The following NEURL3 variants were observed in gnomAD, a reference collection of about 807,000 sequenced individuals.
The protein encoded by NEURL3 is neuralized E3 ubiquitin protein ligase 3.
A neutral mutation model predicts 17.6 loss-of-function variants in NEURL3; 19 were observed. The observed-to-expected ratio is 1.08, with a 90% CI of 0.75 to 1.58. The LOEUF (loss-of-function observed/expected upper bound fraction) is 1.58. NEURL3 is among the 40% of genes most tolerant of loss of function. NEURL3 has a pLI of 0.00. For synonymous variants in NEURL3, 180 were observed against 161.4 expected (o/e 1.11, Z -0.87); for missense variants, 342 against 379.6 (o/e 0.90, Z 0.82).
upstream of NEURL3, chr2:96,505,491 C>A: frequency 1.6e-6 from 1 of 609,980 alleles, no homozygotes; most frequent in South Asian, 2.0e-5. Flanking sequence ...CGCAGACTGA[C>A]CTGCTGGAGC....
upstream of NEURL3, chr2:96,505,431 C>T (rs1305641940): frequency 6.6e-6 from 5 of 752,496 alleles, no homozygotes; most frequent in South Asian, 1.6e-5. Context: ...TTCAATGGTG[C>T]TGTCATGTGT....
rs746679646 is a variant in NEURL3 at position 96,500,554 on chromosome 2, G to A, written c.399C>T (p.Leu133=). The A allele has an allele frequency of 6.4e-6, 10 of 1,561,142 alleles. No homozygotes were observed. In the East Asian group the frequency reaches 1.9e-4, roughly 29 times the overall value. The part of the protein sequence containing the change: ...VRFWVDRRGC[L]FAKVNAGCRL... Reference sequence around the variant, plus strand: ...GGCAGCCGGCGTTGACCTTGGCGAAGAGGCAGCCGCGGCGGTCCACCCAGA... The same window carrying A: ...GGCAGCCGGCGTTGACCTTGGCGAAAAGGCAGCCGCGGCGGTCCACCCAGA... Residue 133 remains leucine, a synonymous_variant, in exon 2 of 4, where the codon CTC becomes CTT. Transcript: ENST00000451794.
At chr2:96,500,327 C>G (rs574190267) in intron 2 of NEURL3, 112 bp downstream of exon 2, 2 of 1,465,016 alleles carry the variant, frequency 1.4e-6, no homozygotes, top group Admixed American at 4.0e-5. Flanking sequence ...TGGGCAGGGG[C>G]TGATGGAATA....
At chr2:96,503,815 G>A (rs916911574) in intron 1 of NEURL3, among the ~76,000 whole-genome samples, 1 of 152,220 alleles carries the variant, frequency 6.6e-6, no homozygotes, top group Non-Finnish European at 1.5e-5. Flanking sequence ...GTGGGGAGTG[G>A]CAGAGGTGGG....
At chr2:96,502,825 C>T (rs1477876220) in intron 1 of NEURL3, among the ~76,000 whole-genome samples, 1 of 152,234 alleles carries the variant, frequency 6.6e-6, no homozygotes, top group African/African-American at 2.4e-5. Context: ...TCCTAAGAGG[C>T]AGACAGTGGG....
intron 1 of NEURL3, among the ~76,000 whole-genome samples, chr2:96,502,714 G>A (rs866909816): frequency 1.3e-5 from 2 of 152,246 alleles, no homozygotes; most frequent in South Asian, 4.1e-4. Flanking sequence ...AGTGGGCTTG[G>A]CAAGAGGCTG....
At position 96,500,443 on chromosome 2, in the gene NEURL3, C is replaced by G. The variant is rs376121676; in HGVS notation, c.510G>C (p.Leu170=). The G allele has an allele frequency of 1.5e-5, 24 of 1,597,244 alleles. No individual in the cohort carries two copies. In the African/African-American group the frequency reaches 2.9e-4, roughly 20 times the overall value. The change falls in exon 2 of 4, where the codon CTG becomes CTC. Residue 170 remains leucine (L), a synonymous_variant. Transcript: ENST00000451794. ...DVYGTTKAIE[L]LDPTASRLPT... ...GGGTCCCCATGGTCGCCTCACCCAG[C>G]AGCTCGATGGCCTTAGTGGTCCCAT...
intron 2 of NEURL3, 81 bp from the exon 3 acceptor site, chr2:96,499,530 T>C (rs1229490082): frequency 2.8e-5 from 36 of 1,282,636 alleles, no homozygotes; most frequent in South Asian, 2.2e-4. Context: ...CGCAGCAAAG[T>C]GTCCGGTCTC....
chr2:96,500,546 T>G lies in NEURL3; in HGVS notation c.407A>C (p.Lys136Thr). The change falls in exon 2 of 4, where the codon AAG becomes ACG. Residue 136 changes from lysine to threonine, a missense_variant. By Grantham distance (78) the Lys-to-Thr change is moderately conservative. Transcript: ENST00000451794. ...CAGGAGCCGGCAGCCGGCGTTGACC[T>G]TGGCGAAGAGGCAGCCGCGGCGGTC... ...WVDRRGCLFAKVNAGCRLLLR... is the reference protein window; with the variant it reads ...WVDRRGCLFATVNAGCRLLLR... 6.4e-7 allele frequency: 1 copy of G among 1,568,192 alleles called. No homozygotes were observed. The highest frequency in any genetic ancestry group is 1.2e-5 in the South Asian group (1 of 86,892).
intron 1 of NEURL3, among the ~76,000 whole-genome samples, chr2:96,504,300 G>A (rs866125526): frequency 6.6e-6 from 1 of 152,150 alleles, no homozygotes; most frequent in Non-Finnish European, 1.5e-5. Flanking sequence ...CTCAGAGCTT[G>A]AGAAGGCTGT....
At chr2:96,504,253 CA>C (rs1260839542) in intron 1 of NEURL3, among the ~76,000 whole-genome samples, 6 of 141,456 alleles carry the variant, frequency 4.2e-5, no homozygotes, top group Middle Eastern at 3.6e-3. Flanking sequence ...AAGCACTTTG[CA>C]GCCTCTTTTT....
rs906229649 is a variant in NEURL3, at chr2:96,500,482, G to A, written c.471C>T (p.Ala157=). 1 of 1,596,260 alleles carries A rather than the reference G, an allele frequency of 6.3e-7. No homozygotes were observed. Among genetic ancestry groups the A allele is most frequent in the East Asian group, 2.2e-5 (1 of 44,788 alleles). The change falls in exon 2 of 4, where the codon GCC becomes GCT. Residue 157 remains alanine, a synonymous_variant. Coordinates refer to ENST00000451794, the MANE Select transcript of NEURL3 (RefSeq NM_001285485.2). ...EGVPVGAPLW[A]VMDVYGTTKA... ...TAGTGGTCCCATACACGTCCATCACGGCCCAGAGCGGGGCGCCGACGGGCA... is the reference window on the plus strand; with the variant it reads ...TAGTGGTCCCATACACGTCCATCACAGCCCAGAGCGGGGCGCCGACGGGCA...
chr2:96,504,773 G>T (rs539881044), intron 1 of NEURL3: 1 of 152,222 alleles, frequency 6.6e-6, no homozygotes, highest in African/African-American at 2.4e-5. Flanking sequence ...AGCTACTCGG[G>T]AGGCTGAGGC....
chr2:96,505,454 G>A (rs2065553435), upstream of NEURL3: 1 of 666,908 alleles, frequency 1.5e-6, no homozygotes, highest in South Asian at 1.9e-5. Flanking sequence ...CTATATCCAG[G>A]GGATTTCCCA....
Position 96,500,548 on chromosome 2 carries a change from G to A in NEURL3, c.405C>T (p.Ala135=). 6.4e-7 allele frequency: 1 copy of A among 1,566,010 alleles called. No individual in the cohort carries two copies. Among genetic ancestry groups the A allele is most frequent in the Non-Finnish European group, 8.6e-7 (1 of 1,164,714 alleles). ...GGAGCCGGCAGCCGGCGTTGACCTT[G>A]GCGAAGAGGCAGCCGCGGCGGTCCA... The part of the protein sequence containing the change: ...FWVDRRGCLF[A]KVNAGCRLLL... The change falls in exon 2 of 4, where the codon GCC becomes GCT. Residue 135 remains alanine, a synonymous_variant. Transcript: ENST00000451794.
rs1233131527 is a variant in NEURL3 at position 96,498,617 on chromosome 2, A to AT, written c.587-172dup. 1.3e-5 allele frequency among the ~76,000 whole-genome samples: 2 copies of AT among 152,172 alleles called. No individual in the cohort carries two copies. Among genetic ancestry groups the AT allele is most frequent in the African/African-American group, 4.8e-5 (2 of 41,440 alleles). On this transcript the variant is annotated intron_variant, in intron 3 of 3. Transcript: ENST00000451794. The surrounding 1 kb of genome is among the most constrained non-coding windows in gnomAD (Gnocchi z 4.4). ...AGTGAAAAAAAGGGGGAAGAAAACC[A>AT]TTTTTTATATACATATATTCCAATT...
intron 1 of NEURL3, 91 bp from the exon 2 acceptor site, chr2:96,501,015 C>G: frequency 7.2e-7 from 1 of 1,379,648 alleles, no homozygotes; most frequent in Non-Finnish European, 9.4e-7. Flanking sequence ...GTCCCTCACA[C>G]CTGGGAGCAC....
At chr2:96,504,999 T>C (rs868216568) in intron 1 of NEURL3, among the ~76,000 whole-genome samples, 7 of 152,060 alleles carry the variant, frequency 4.6e-5, no homozygotes, top group Admixed American at 6.6e-5. Flanking sequence ...TATCACTCTT[T>C]TGATTTGTGC....
chr2:96,499,786 AAC>A (rs2065482391), intron 2 of NEURL3, among the ~76,000 whole-genome samples: 2 of 152,130 alleles, frequency 1.3e-5, no homozygotes, highest in Admixed American at 6.5e-5. Context: ...AGCCTGGACA[AAC>A]ACAGGTTCAG....
Sources: gnomAD v4.1 joint callset for allele counts (sites outside exome capture counted in the v4.1 genomes callset) on GRCh38, gnomAD v4.1.1 for gene constraint, Gnocchi (gnomAD v3.1) non-coding constraint, MANE v1.5 for transcripts, NCBI Gene and HGNC (gene_info 2026-07-23, HGNC 2026-07-21) for gene names.